Variants in GPR108 observed in about 807,000 individuals in gnomAD.
The protein encoded by GPR108 is protein GPR108.
GPR108 carries 60 observed loss-of-function variants against 74.3 expected under a neutral mutation model. That is an observed-to-expected ratio of 0.81 (90% CI 0.66 to 1.00). GPR108 has a LOEUF of 1.00. Ranked by LOEUF, GPR108 falls within the 50% of genes least tolerant of loss-of-function variation. GPR108 has a pLI of 0.00. For missense variants in GPR108, 667 were observed against 703.3 expected, an observed-to-expected ratio of 0.95 and a Z score of 0.58; for synonymous variants, 311 against 292.4, an observed-to-expected ratio of 1.06 and a Z score of -0.65.
chr19:6,730,928 CTG>C, intron 17 of GPR108, 57 bp downstream of exon 17: 2 of 995,614 alleles, frequency 2.0e-6, no homozygotes, highest in South Asian at 1.3e-5. Flanking sequence ...GCCCGTAGAG[CTG>C]CCCACCCCCT....
intron 1 of GPR108, 112 bp from the exon 2 acceptor site, chr19:6,736,823 A>G: frequency 1.4e-6 from 2 of 1,451,426 alleles, no homozygotes; most frequent in Non-Finnish European, 1.9e-6. Context: ...TCTATTTAGG[A>G]CAGGCCCAGA....
rs564357404 is a variant in GPR108, at chr19:6,733,659, C to T, written c.634G>A (p.Gly212Ser). The T allele has an allele frequency of 6.2e-6, 10 of 1,614,060 alleles. No homozygotes were observed. Among genetic ancestry groups the T allele is most frequent in the African/African-American group, 4.0e-5 (3 of 75,028 alleles). ...SYNFSFHVVI[G>S]SQAEEGQYSL... The stretch of plus-strand genomic sequence containing the variant: ...TACTGGCCTTCTTCCGCCTGAGAGC[C>T]GATCACCACGTGGAACTGGGCGGGC... The change falls in exon 8 of 18, where the codon GGC (glycine) becomes AGC (serine). Residue 212 changes from glycine to serine, a missense_variant. Gly to Ser is a moderately conservative substitution (Grantham distance 56, BLOSUM62 0). Coordinates refer to ENST00000264080, the MANE Select transcript of GPR108 (RefSeq NM_001080452.2).
At chr19:6,735,503 AAAGT>A (rs1329875184) in intron 4 of GPR108, 115 bp downstream of exon 4, 2 of 862,514 alleles carry the variant, frequency 2.3e-6, no homozygotes, top group African/African-American at 3.4e-5. Flanking sequence ...GCAAAACTAA[AAAGT>A]AAGTGGCTTT....
chr19:6,735,562 G>A, intron 4 of GPR108, 60 bp downstream of exon 4: 1 of 1,406,514 alleles, frequency 7.1e-7, no homozygotes, highest in South Asian at 1.2e-5. Context: ...GGTGCGTGTG[G>A]GCATCACACC....
intron 4 of GPR108, 181 bp downstream of exon 4, chr19:6,735,441 A>T: frequency 1.7e-6 from 1 of 594,440 alleles, no homozygotes; most frequent in Non-Finnish European, 3.0e-6. Context: ...CTGAGACACC[A>T]ACACCCGCGG....
intron 14 of GPR108, 39 bp downstream of exon 14, chr19:6,731,852 G>A (rs1490052334): frequency 6.2e-7 from 1 of 1,606,838 alleles, no homozygotes; most frequent in Admixed American, 1.7e-5. Context: ...GAGGAGGAAT[G>A]GGGCCATGAG....
chr19:6,732,770 C>G, intron 10 of GPR108: 1 of 654,970 alleles, frequency 1.5e-6, no homozygotes, highest in South Asian at 1.7e-5. Context: ...CAGAGACGGA[C>G]AGTCACAGCT....
chr19:6,731,223 G>A lies in GPR108; in HGVS notation c.1410C>T (p.Pro470=), dbSNP rs1968387223. The part of the protein sequence containing the change: ...IIAILLQVAV[P]FQWQWLYQLL... ...CCTGGTACAGCCACTGCCACTGAAA[G>A]GGCACAGCCACCTGCAGCAGGATGG... Residue 470 remains proline, a synonymous_variant, in exon 16 of 18, where the codon CCC becomes CCT. Transcript: ENST00000264080. 1 of 1,573,976 alleles carries A rather than the reference G, an allele frequency of 6.4e-7. No individual in the cohort carries two copies. The highest frequency in any genetic ancestry group is 1.8e-5 in the Admixed American group (1 of 55,912).
chr19:6,732,959 C>T, intron 10 of GPR108, 28 bp downstream of exon 10: 5 of 1,555,584 alleles, frequency 3.2e-6, no homozygotes, highest in South Asian at 1.2e-5. Flanking sequence ...AGCCCACCCC[C>T]CGCTGCTCCC....
chr19:6,731,005 T>G lies in GPR108; in HGVS notation c.1541A>C (p.Asp514Ala). ...YLQLPQEDEE[D>A]VQMEQVMTDS... Reference sequence around the variant, plus strand: ...AGCTCACACTTGCTCCATCTGAACATCCTCCTCGTCCTCCTGGGGCAGCTG... The same window carrying G: ...AGCTCACACTTGCTCCATCTGAACAGCCTCCTCGTCCTCCTGGGGCAGCTG... Residue 514 changes from aspartate (D) to alanine (A), a missense_variant, in exon 17 of 18, where the codon GAT becomes GCT. Asp to Ala is a moderately radical substitution (Grantham distance 126). Transcript: ENST00000264080. 1 of 1,425,782 alleles carries G rather than the reference T, an allele frequency of 7.0e-7. No homozygotes were observed. Among genetic ancestry groups the G allele is most frequent in the Non-Finnish European group, 9.4e-7 (1 of 1,062,436 alleles). 88.3% of individuals were successfully genotyped at this position (1,425,782 alleles called of 1,614,324 possible). A position where few individuals can be genotyped will look rare whatever the true frequency, so the allele number is the denominator to read the frequency against.
rs759889797 is a variant in GPR108, at chr19:6,733,635, A to G, written c.658T>C (p.Tyr220His). 1 of 1,614,146 alleles carries G rather than the reference A, an allele frequency of 6.2e-7. No homozygotes were observed. The highest frequency in any genetic ancestry group is 1.3e-5 in the African/African-American group (1 of 75,038). The change falls in exon 8 of 18, where the codon TAC (tyrosine) becomes CAC (histidine). Residue 220 changes from tyrosine (Y) to histidine (H), a missense_variant. Tyr to His is a moderately conservative substitution (Grantham distance 83). Coordinates refer to ENST00000264080, the MANE Select transcript of GPR108 (RefSeq NM_001080452.2). Reference protein sequence around the residue: ...VIGSQAEEGQYSLNFHNCNNS... With the variant: ...VIGSQAEEGQHSLNFHNCNNS... ...TTGCAGTTGTGGAAGTTCAGGCTGT[A>G]CTGGCCTTCTTCCGCCTGAGAGCCG...
At chr19:6,733,466 C>G in intron 8 of GPR108, 104 bp downstream of exon 8, 1 of 1,359,156 alleles carries the variant, frequency 7.4e-7, no homozygotes, top group Non-Finnish European at 1.0e-6. Context: ...GCTCCTACTT[C>G]GCACCCGGGA....
intron 1 of GPR108, chr19:6,737,201 G>A (rs1599550011): frequency 1.9e-6 from 1 of 515,056 alleles, no homozygotes; most frequent in South Asian, 2.4e-5. Context: ...GGGGGGAAGG[G>A]GGGTGTAGTC....
Position 6,730,220 on chromosome 19 carries a change from C to T in GPR108, c.*92G>A. ...GAGCTGGGCGCCTGGTCCACATGGA[C>T]CCCCTCCACCTCCCCACATACGCTG... On this transcript the variant is annotated 3_prime_UTR_variant, in exon 18 of 18. Transcript: ENST00000264080. 1 of 1,250,476 alleles carries T rather than the reference C, an allele frequency of 8.0e-7. No individual in the cohort carries two copies. Among genetic ancestry groups the T allele is most frequent in the Middle Eastern group, 1.9e-4 (1 of 5,276 alleles). The allele number at this position is 1,250,476 out of a possible 1,614,324, so 77.5% of individuals were successfully genotyped here. A position where few individuals can be genotyped will look rare whatever the true frequency, so the allele number is the denominator to read the frequency against.
Position 6,732,856 on chromosome 19 carries a change from G to T in GPR108, c.933+131C>A, listed in dbSNP as rs74756550. ...AGGGGATGGGTGACTGGCCACACTG[G>T]TAAAATGGGTGGACACGTGGATAGC... On this transcript the variant is annotated intron_variant, in intron 10 of 17. Transcript: ENST00000264080. 6,625 of 797,070 alleles carry T rather than the reference G, an allele frequency of 8.3e-3. 294 individuals are homozygous for T. In the African/African-American group the frequency reaches 0.1, roughly 12 times the overall value. The allele number at this position is 797,070 out of a possible 1,614,324, so 49.4% of individuals were successfully genotyped here.
chr19:6,732,283 CAA>C lies in GPR108; in HGVS notation c.1103_1104del (p.Phe368TrpfsTer282), dbSNP rs771852431. ...YVLSDKEKKVFGIVIPMQVLA... is the reference protein window; with the variant it reads ...YVLSDKEKKVXGIVIPMQVLA... ...CGCACCTGCATGGGGATCACGATCC[CAA>C]AGACCTTCTTCTCCTTATCCGACAG... On this transcript the variant is annotated frameshift_variant, in exon 12 of 18. Coordinates refer to ENST00000264080, the MANE Select transcript of GPR108 (RefSeq NM_001080452.2). LOFTEE classifies it high-confidence loss of function. The C allele has an allele frequency of 1.9e-6, 3 of 1,612,598 alleles. No homozygotes were observed. The African/African-American group carries it at 4.0e-5, about 22-fold the overall frequency.
chr19:6,733,831 C>T lies in GPR108; in HGVS notation c.618+14G>A. Reference sequence around the variant, plus strand: ...TGGGGTGACGGAAGGGCCGCAGGCGCTGCAAACACTCACACTGAAGTTGTA... The same window carrying T: ...TGGGGTGACGGAAGGGCCGCAGGCGTTGCAAACACTCACACTGAAGTTGTA... On this transcript the variant is annotated intron_variant, in intron 7 of 17. Transcript: ENST00000264080. 1 of 1,613,876 alleles carries T rather than the reference C, an allele frequency of 6.2e-7. No individual in the cohort carries two copies. The highest frequency in any genetic ancestry group is 8.5e-7 in the Non-Finnish European group (1 of 1,179,782).
rs753674958 is a variant in GPR108 at position 6,732,540 on chromosome 19, A to G, written c.943T>C (p.Tyr315His). The G allele has an allele frequency of 6.8e-6, 11 of 1,612,106 alleles. No homozygotes were observed. In the African/African-American group the frequency reaches 1.2e-4, roughly 18 times the overall value. The change falls in exon 11 of 18, where the codon TAC (tyrosine) becomes CAC (histidine). Residue 315 changes from tyrosine to histidine, a missense_variant. Tyr to His is a moderately conservative substitution (Grantham distance 83). Transcript: ENST00000264080. ...ISLLFHSINYYFINSQGHPIE... is the reference protein window; with the variant it reads ...ISLLFHSINYHFINSQGHPIE... ...GGGTGGCCCTGGCTGTTGATGAAGT[A>G]GTAGTTGATCTGGGGGTGGATGGAC...
chr19:6,731,160 C>A, intron 16 of GPR108, 39 bp downstream of exon 16: 2 of 1,607,506 alleles, frequency 1.2e-6, no homozygotes, highest in Non-Finnish European at 1.7e-6. Context: ...CCACCCCCAC[C>A]GTGGCCGCCC....
Sources: gnomAD v4.1 joint callset for allele counts on GRCh38, gnomAD v4.1.1 for gene constraint, MANE v1.5 for transcripts, NCBI Gene and HGNC (gene_info 2026-07-23, HGNC 2026-07-21) for gene names.